The following C11orf65 variants were observed in gnomAD, a reference collection of about 807,000 sequenced individuals.
C11orf65 encodes protein MFI.
Under a neutral mutation model 35.3 loss-of-function variants are expected in C11orf65, and 38 were observed. The ratio of observed to expected loss-of-function variants is 1.08; its 90% CI spans 0.83 to 1.41. The LOEUF is 1.41. Among genes scored for constraint, C11orf65 ranks in the 40% most tolerant of loss-of-function variants. The pLI is 0.00. For missense variants in C11orf65, 370 were observed against 367.1 expected, an observed-to-expected ratio of 1.01 and a Z score of -0.06; for synonymous variants, 105 against 114.4, an observed-to-expected ratio of 0.92 and a Z score of 0.53.
chr11:108,373,240 T>C (rs2091619376), intron 2 of C11orf65, among the ~76,000 whole-genome samples: 1 of 152,174 alleles, frequency 6.6e-6, no homozygotes. Context: ...TCAATGTAAC[T>C]AAATAAACCA....
rs2089494486 is a variant in C11orf65, at chr11:108,353,781, A to C, written c.227-18489T>G. The C allele has an allele frequency of 6.2e-7, 1 of 1,613,882 alleles. No homozygotes were observed. The highest frequency in any genetic ancestry group is 2.2e-5 in the East Asian group (1 of 44,878). On this transcript the variant is annotated intron_variant, in intron 2 of 3. Transcript: ENST00000524755. Reference sequence around the variant, plus strand: ...TTTACTTTAGGTGTTGCTTTTGAACAGGGCAAAATCCTTCCTACTCCTGAG... The same window carrying C: ...TTTACTTTAGGTGTTGCTTTTGAACCGGGCAAAATCCTTCCTACTCCTGAG...
intron 2 of C11orf65, among the ~76,000 whole-genome samples, chr11:108,363,408 C>G (rs920204618): frequency 6.6e-6 from 1 of 152,198 alleles, no homozygotes; most frequent in East Asian, 1.9e-4. Context: ...GGACCATTCT[C>G]TCCTCTAAGA....
Position 108,395,340 on chromosome 11 carries a change from T to G in C11orf65, c.561-1962A>C, listed in dbSNP as rs1234826942. 5.3e-5 allele frequency among the ~76,000 whole-genome samples: 8 copies of G among 151,804 alleles called. No individual in the cohort carries two copies. In the South Asian group the frequency reaches 6.2e-4, roughly 12 times the overall value. ...AACCTGTCTCTACAATTTTTTTTTT[T>G]TTTTGAGATGGAGTTGCTCTGTCTC... On this transcript the variant is annotated intron_variant, in intron 6 of 8. Coordinates refer to ENST00000393084, the MANE Select transcript of C11orf65 (RefSeq NM_152587.5).
At chr11:108,319,848 G>T in intron 6 of C11orf65, 1 of 763,614 alleles carries the variant, frequency 1.3e-6, no homozygotes, top group South Asian at 1.7e-5. Context: ...TTTTTAGAAT[G>T]GAGAAATGTT....
rs142663489 is a variant in C11orf65 at position 108,394,978 on chromosome 11, A to C, written c.561-1600T>G. On this transcript the variant is annotated intron_variant, in intron 6 of 8. Coordinates refer to ENST00000393084, the MANE Select transcript of C11orf65 (RefSeq NM_152587.5). The stretch of plus-strand genomic sequence containing the variant: ...AGACCCCATCTCTACAAACAATAAA[A>C]AACATAGCCAAGCACAGTGGCACAC... Among the ~76,000 whole-genome samples, 75 of 152,130 alleles carry C rather than the reference A, an allele frequency of 4.9e-4. 1 individual carries two copies. The East Asian group carries it at 0.013, about 27-fold the overall frequency.
chr11:108,404,014 CCCATCTGGAG>C (rs2092491311), intron 6 of C11orf65, among the ~76,000 whole-genome samples: 1 of 152,094 alleles, frequency 6.6e-6, no homozygotes, highest in Admixed American at 6.6e-5. Flanking sequence ...TCACTTGGTG[CCCATCTGGAG>C]AAGTCTGCAC....
At chr11:108,436,369 T>G (rs1419196122) in intron 2 of C11orf65, among the ~76,000 whole-genome samples, 2 of 152,196 alleles carry the variant, frequency 1.3e-5, no homozygotes, top group Non-Finnish European at 2.9e-5. Context: ...ATACAAGTAC[T>G]TAACCTTCCA....
chr11:108,407,322 A>C (rs546626832), intron 3 of C11orf65, among the ~76,000 whole-genome samples, 173 bp from the exon 4 acceptor site: 1 of 151,924 alleles, frequency 6.6e-6, no homozygotes, highest in South Asian at 2.1e-4. Flanking sequence ...TGTTAAAAAA[A>C]TTTTTTTGAG....
chr11:108,330,969 G>A (rs1165121635), downstream of C11orf65, among the ~76,000 whole-genome samples: 1 of 152,124 alleles, frequency 6.6e-6, no homozygotes, highest in African/African-American at 2.4e-5. Flanking sequence ...TATATTGTTA[G>A]TCAATTTGAA....
rs1359622204 is a variant in C11orf65 at position 108,407,980 on chromosome 11, T to A, written c.175-831A>T. On this transcript the variant is annotated intron_variant, in intron 3 of 8. Coordinates refer to ENST00000393084, the MANE Select transcript of C11orf65 (RefSeq NM_152587.5). ...AAAGAAAAGAAAATATTTTATGAGC[T>A]AAGGACTTAATTTCTTTTTATTATT... Among the ~76,000 whole-genome samples the A allele has an allele frequency of 5.2e-5, 7 of 134,246 alleles. 1 individual carries two copies. Among genetic ancestry groups the A allele is most frequent in the African/African-American group, 1.9e-4 (7 of 36,572 alleles). The allele number at this position is 134,246 out of a possible 152,430, so 88.1% of individuals were successfully genotyped here. A position where few individuals can be genotyped will look rare whatever the true frequency, so the allele number is the denominator to read the frequency against.
chr11:108,381,937 T>C (rs11212605), downstream of C11orf65, among the ~76,000 whole-genome samples: 916 of 34,058 alleles, frequency 0.027, 5 homozygotes, highest in Non-Finnish European at 0.034. Flanking sequence ...TCCTCCTTGC[T>C]CTCTCTCTCT....
chr11:108,406,629 C>G (rs2092545913), intron 5 of C11orf65, 134 bp downstream of exon 5: 2 of 569,102 alleles, frequency 3.5e-6, no homozygotes, highest in Non-Finnish European at 5.7e-6. Context: ...CCCTGAGTAG[C>G]TAACTTAAGC....
At chr11:108,442,575 G>C (rs2093173597) in intron 2 of C11orf65, among the ~76,000 whole-genome samples, 1 of 152,190 alleles carries the variant, frequency 6.6e-6, no homozygotes, top group Admixed American at 6.5e-5. Context: ...CAGCCAGAGA[G>C]AAAGGTCGGG....
chr11:108,406,821 T>C lies in C11orf65; in HGVS notation c.371A>G (p.Asp124Gly). 7 of 1,613,332 alleles carry C rather than the reference T, an allele frequency of 4.3e-6. No individual in the cohort carries two copies. Among genetic ancestry groups the C allele is most frequent in the African/African-American group, 1.3e-5 (1 of 75,046 alleles). Reference protein sequence around the residue: ...HNKNDHLQEEDHSGWYHRIEN... With the variant: ...HNKNDHLQEEGHSGWYHRIEN... ...TATACGATGATACCAGCCACTATGATCCTCTTCCTGAAGATGATCATTTTT... is the reference window on the plus strand; with the variant it reads ...TATACGATGATACCAGCCACTATGACCCTCTTCCTGAAGATGATCATTTTT... The change falls in exon 5 of 9, where the codon GAT becomes GGT. Residue 124 changes from aspartate to glycine, a missense_variant. By Grantham distance (94) the Asp-to-Gly change is moderately conservative. Transcript: ENST00000393084.
chr11:108,447,868 C>A (rs2093286902), intron 2 of C11orf65, among the ~76,000 whole-genome samples: 1 of 151,908 alleles, frequency 6.6e-6, no homozygotes, highest in African/African-American at 2.4e-5. Context: ...AAAAGATCAA[C>A]AAAATTGATA....
intron 1 of C11orf65, among the ~76,000 whole-genome samples, chr11:108,465,704 G>C (rs1331228421): frequency 6.6e-6 from 1 of 151,790 alleles, no homozygotes; most frequent in African/African-American, 2.4e-5. Flanking sequence ...AAAAAAAAAG[G>C]CTGGGCGCGG....
downstream of C11orf65, among the ~76,000 whole-genome samples, chr11:108,379,146 T>C (rs1371103525): frequency 1.3e-5 from 2 of 152,060 alleles, no homozygotes; most frequent in Non-Finnish European, 2.9e-5. Flanking sequence ...CAAAGGACTA[T>C]AAATCATGCT....
At chr11:108,325,277 T>C (rs2136304568) in intron 6 of C11orf65, 2 of 1,149,122 alleles carry the variant, frequency 1.7e-6, no homozygotes, top group Non-Finnish European at 2.6e-6. Context: ...TTCATTTCTC[T>C]TGCTTACATG....
chr11:108,343,487 A>C (rs2087872184), intron 2 of C11orf65: 9 of 1,259,708 alleles, frequency 7.1e-6, no homozygotes, highest in Non-Finnish European at 8.9e-6. Context: ...GGTAATTGTC[A>C]AAGATACTAA....
Sources: allele counts gnomAD v4.1 joint callset (sites outside exome capture counted in the v4.1 genomes callset), GRCh38; gene constraint gnomAD v4.1.1; transcripts MANE v1.5; gene names NCBI Gene and HGNC (gene_info 2026-07-23, HGNC 2026-07-21).